ST6GALNAC3: variants seen among roughly 807,000 people sequenced by gnomAD.
The protein encoded by ST6GALNAC3 is ST6 N-acetylgalactosaminide alpha-2,6-sialyltransferase 3.
In ST6GALNAC3, 25 loss-of-function variants were observed where a neutral mutation model predicts 32.7. The observed-to-expected ratio is 0.76, with a 90% CI of 0.56 to 1.07. The LOEUF is 1.07. Ranked by LOEUF, ST6GALNAC3 falls within the 50% of genes least tolerant of loss-of-function variation. The pLI is 0.00. For missense variants in ST6GALNAC3, 355 were observed against 382.4 expected (o/e 0.93, Z 0.60); for synonymous variants, 129 against 133.1 (o/e 0.97, Z 0.21).
chr1:76,288,857 G>A (rs185790493), intron 1 of ST6GALNAC3, among the ~76,000 whole-genome samples: 9 of 152,230 alleles, frequency 5.9e-5, no homozygotes, highest in Admixed American at 2.0e-4. Context: ...GATACCCACC[G>A]ACCCATGCTC....
At chr1:76,209,852 C>T (rs990987382) in intron 1 of ST6GALNAC3, among the ~76,000 whole-genome samples, 3 of 152,174 alleles carry the variant, frequency 2.0e-5, no homozygotes, top group African/African-American at 4.8e-5. Flanking sequence ...CTAAGCCCCA[C>T]TCTCTCTAGA....
intron 3 of ST6GALNAC3, among the ~76,000 whole-genome samples, chr1:76,443,261 C>T (rs753751983): frequency 6.6e-6 from 1 of 152,180 alleles, no homozygotes; most frequent in Non-Finnish European, 1.5e-5. Context: ...TTAAGCCACC[C>T]TTCTACCTAA....
At chr1:76,192,824 T>C (rs1180380314) in intron 1 of ST6GALNAC3, among the ~76,000 whole-genome samples, 1 of 152,204 alleles carries the variant, frequency 6.6e-6, no homozygotes, top group Admixed American at 6.5e-5. Context: ...TGGTCTTTAC[T>C]TCTCTGAAGA....
chr1:76,484,784 A>T (rs1052822804), intron 3 of ST6GALNAC3, among the ~76,000 whole-genome samples: 1 of 152,142 alleles, frequency 6.6e-6, no homozygotes, highest in Non-Finnish European at 1.5e-5. Context: ...TGAGAGACGC[A>T]TCCCTGTCTT....
chr1:76,629,341 T>C lies in ST6GALNAC3; in HGVS notation c.*535T>C, dbSNP rs561307125. The C allele has an allele frequency of 1.9e-5, 19 of 985,492 alleles. No homozygotes were observed. The East Asian group carries it at 3.4e-4, about 18-fold the overall frequency. The allele number at this position is 985,492 out of a possible 1,614,324, so 61.0% of individuals were successfully genotyped here. A position where few individuals can be genotyped will look rare whatever the true frequency, so the allele number is the denominator to read the frequency against. Reference sequence around the variant, plus strand: ...GAAAATATCTCTTCCTAATATACCATCTTTCTACAGTATTTCCTACAGCTA... The same window carrying C: ...GAAAATATCTCTTCCTAATATACCACCTTTCTACAGTATTTCCTACAGCTA... On this transcript the variant is annotated 3_prime_UTR_variant, in exon 5 of 5. Transcript: ENST00000328299.
intron 3 of ST6GALNAC3, among the ~76,000 whole-genome samples, chr1:76,501,517 GT>G: frequency 6.6e-6 from 1 of 152,122 alleles, no homozygotes; most frequent in Non-Finnish European, 1.5e-5. Context: ...GAGGAGGTCA[GT>G]TTGTGGAAAA....
At chr1:76,417,123 C>T (rs1459448086) in intron 3 of ST6GALNAC3, among the ~76,000 whole-genome samples, 1 of 151,914 alleles carries the variant, frequency 6.6e-6, no homozygotes, top group African/African-American at 2.4e-5. Flanking sequence ...GTCAATTAGA[C>T]AGGGTGACCT....
rs547192687 is a variant in ST6GALNAC3 at position 76,526,880 on chromosome 1, C to CA, written c.624-100565dup. 5.9e-5 allele frequency among the ~76,000 whole-genome samples: 9 copies of CA among 151,878 alleles called. No homozygotes were observed. In the South Asian group the frequency reaches 1.9e-3, roughly 32 times the overall value. On this transcript the variant is annotated intron_variant, in intron 3 of 4. Coordinates refer to ENST00000328299, the MANE Select transcript of ST6GALNAC3 (RefSeq NM_152996.4). ...GTTCGGTCTTTAATAGACATGATAA[C>CA]AAAAAAAGCCAGTTGTAGAAAATTC...
At chr1:76,555,293 T>C (rs2100390840) in intron 3 of ST6GALNAC3, among the ~76,000 whole-genome samples, 1 of 152,250 alleles carries the variant, frequency 6.6e-6, no homozygotes, top group East Asian at 1.9e-4. Context: ...AATTAAATAA[T>C]AAAATGTCAA....
intron 1 of ST6GALNAC3, among the ~76,000 whole-genome samples, chr1:76,146,716 T>C (rs146726781): frequency 4.4e-4 from 67 of 152,334 alleles, no homozygotes; most frequent in African/African-American, 1.5e-3. Flanking sequence ...AAAAAATTGA[T>C]CAGGACAAAG....
intron 1 of ST6GALNAC3, among the ~76,000 whole-genome samples, chr1:76,305,681 C>T (rs531019907): frequency 2.6e-5 from 4 of 152,216 alleles, no homozygotes; most frequent in South Asian, 2.1e-4. Flanking sequence ...ACTTTCAGAT[C>T]GGCCTTTTTT....
At chr1:76,251,187 C>T (rs1657592932) in intron 1 of ST6GALNAC3, among the ~76,000 whole-genome samples, 1 of 152,138 alleles carries the variant, frequency 6.6e-6, no homozygotes, top group South Asian at 2.1e-4. Context: ...CTCCCATTAT[C>T]ACCCGCATGT....
At chr1:76,607,395 T>G (rs748812934) in intron 3 of ST6GALNAC3, among the ~76,000 whole-genome samples, 6 of 152,140 alleles carry the variant, frequency 3.9e-5, no homozygotes, top group Non-Finnish European at 8.8e-5. Context: ...TCCTATCCCC[T>G]TACACTGGGG....
intron 3 of ST6GALNAC3, among the ~76,000 whole-genome samples, chr1:76,550,377 T>C (rs1664548815): frequency 6.6e-6 from 1 of 152,186 alleles, no homozygotes; most frequent in African/African-American, 2.4e-5. Flanking sequence ...TTTTGCTGCA[T>C]AGGTAACTAG....
At chr1:76,192,867 G>C (rs1364803339) in intron 1 of ST6GALNAC3, among the ~76,000 whole-genome samples, 1 of 152,044 alleles carries the variant, frequency 6.6e-6, no homozygotes, top group Non-Finnish European at 1.5e-5. Context: ...CTTTCCGATT[G>C]TAACATTAGT....
At chr1:76,439,657 T>A (rs1656403406) in intron 3 of ST6GALNAC3, among the ~76,000 whole-genome samples, 1 of 152,056 alleles carries the variant, frequency 6.6e-6, no homozygotes, top group Admixed American at 6.6e-5. Flanking sequence ...GTAGCTACAG[T>A]TTTTTTTATC....
intron 3 of ST6GALNAC3, chr1:76,577,444 G>A (rs1001863389): frequency 2.5e-5 from 9 of 358,412 alleles, no homozygotes; most frequent in Non-Finnish European, 3.5e-5. Flanking sequence ...ATGCCATGCC[G>A]CTCAAAATTA....
intron 3 of ST6GALNAC3, among the ~76,000 whole-genome samples, chr1:76,604,259 A>G (rs2100642567): frequency 6.6e-6 from 1 of 152,344 alleles, no homozygotes; most frequent in East Asian, 1.9e-4. Context: ...GTGAAACACC[A>G]GACGTTAAAG....
chr1:76,151,689 G>A (rs979207661), intron 1 of ST6GALNAC3, among the ~76,000 whole-genome samples: 9 of 152,198 alleles, frequency 5.9e-5, no homozygotes, highest in Admixed American at 4.6e-4. Flanking sequence ...GCTGGCCAGA[G>A]AACCTCTGGT....
Sources: gnomAD v4.1 joint callset for allele counts (sites outside exome capture counted in the v4.1 genomes callset) on GRCh38, gnomAD v4.1.1 for gene constraint, MANE v1.5 for transcripts, NCBI Gene and HGNC (gene_info 2026-07-23, HGNC 2026-07-21) for gene names.